The following GPR158 variants were observed in gnomAD, a reference collection of about 807,000 sequenced individuals.
GPR158 encodes G protein-coupled receptor 158, also known as metabotropic glycine receptor.
Under a neutral mutation model 78.2 loss-of-function variants are expected in GPR158, and 30 were observed. The observed-to-expected ratio is 0.38, with a 90% CI of 0.29 to 0.52. The LOEUF is 0.52. Ranked by LOEUF, GPR158 falls within the 20% of genes least tolerant of loss-of-function variation. The pLI is 0.83. For synonymous variants in GPR158, 581 were observed against 591.1 expected (o/e 0.98, Z 0.25); for missense variants, 1,463 against 1,523.5 (o/e 0.96, Z 0.66).
chr10:25,216,177 T>C (rs995288929), intron 1 of GPR158, among the ~76,000 whole-genome samples: 1 of 152,222 alleles, frequency 6.6e-6, no homozygotes, highest in African/African-American at 2.4e-5. Flanking sequence ...AGGCACTGGA[T>C]TCTGTTCTGG....
At chr10:25,386,813 G>A (rs1293783683) in intron 2 of GPR158, among the ~76,000 whole-genome samples, 1 of 151,884 alleles carries the variant, frequency 6.6e-6, no homozygotes, top group African/African-American at 2.4e-5. Flanking sequence ...GTTGATTTTT[G>A]TATCCTACAT....
chr10:25,502,912 C>A (rs955817704), intron 5 of GPR158, among the ~76,000 whole-genome samples: 3 of 152,110 alleles, frequency 2.0e-5, no homozygotes, highest in Non-Finnish European at 4.4e-5. Flanking sequence ...TCAGCAATTC[C>A]ATAGAAAGTT....
chr10:25,505,087 T>A (rs1835993449), intron 5 of GPR158, among the ~76,000 whole-genome samples: 1 of 152,228 alleles, frequency 6.6e-6, no homozygotes, highest in Admixed American at 6.5e-5. Flanking sequence ...TTAAATTAGA[T>A]GATACGTGTA....
intron 2 of GPR158, among the ~76,000 whole-genome samples, chr10:25,254,262 C>T (rs1449153972): frequency 6.6e-6 from 1 of 152,042 alleles, no homozygotes; most frequent in South Asian, 2.1e-4. Context: ...CATGGAGATA[C>T]CTTGATAAAA....
intron 4 of GPR158, among the ~76,000 whole-genome samples, chr10:25,421,520 T>C (rs1359413299): frequency 5.3e-5 from 8 of 152,192 alleles, no homozygotes; most frequent in Non-Finnish European, 4.4e-5. Context: ...AAATTTTTTT[T>C]CTTAAACCTA....
rs1391827336 is a variant in GPR158, at chr10:25,598,319, T to C, written c.2693T>C (p.Met898Thr). Residue 898 changes from methionine (M) to threonine (T), a missense_variant, in exon 11 of 11, where the codon ATG (methionine) becomes ACG (threonine). Met to Thr is a moderately conservative substitution (Grantham distance 81). Transcript: ENST00000376351. Reference sequence around the variant, plus strand: ...AAAACTGGGCACCCACGAACATCGATGTTACAGAAGTCTCTCAGTGTCATA... The same window carrying C: ...AAAACTGGGCACCCACGAACATCGACGTTACAGAAGTCTCTCAGTGTCATA... ...EKKTGHPRTS[M>T]LQKSLSVIAS... The C allele has an allele frequency of 6.2e-7, 1 of 1,614,040 alleles. No homozygotes were observed.
At chr10:25,470,901 G>T (rs896759153) in intron 5 of GPR158, among the ~76,000 whole-genome samples, 2 of 151,924 alleles carry the variant, frequency 1.3e-5, no homozygotes, top group African/African-American at 4.8e-5. Context: ...TTTCCACCCA[G>T]TAGCCAGAGG....
In GPR158 at chr10:25,598,676, G is replaced by A; in HGVS notation, c.3050G>A (p.Gly1017Asp). The A allele has an allele frequency of 6.2e-7, 1 of 1,613,854 alleles. No individual in the cohort carries two copies. Residue 1017 changes from glycine to aspartate, a missense_variant, in exon 11 of 11, where the codon GGT (glycine) becomes GAT (aspartate). Gly to Asp is a moderately conservative substitution (Grantham distance 94). Transcript: ENST00000376351. ...CPWEVYDLTPGPVPSESKVQK... is the reference protein window; with the variant it reads ...CPWEVYDLTPDPVPSESKVQK... The stretch of plus-strand genomic sequence containing the variant: ...TGGGAGGTTTATGACCTGACCCCTG[G>A]TCCTGTGCCTTCAGAATCAAAAGTT...
chr10:25,432,473 T>C (rs1383618331), intron 4 of GPR158, among the ~76,000 whole-genome samples: 1 of 152,092 alleles, frequency 6.6e-6, no homozygotes, highest in Non-Finnish European at 1.5e-5. Flanking sequence ...TACAAATACC[T>C]GCATATATGT....
chr10:25,362,615 A>G (rs1855657121), intron 2 of GPR158, among the ~76,000 whole-genome samples: 1 of 151,812 alleles, frequency 6.6e-6, no homozygotes, highest in Non-Finnish European at 1.5e-5. Context: ...ATCTTCTTTA[A>G]TTTCTTTCAG....
rs895792100 is a variant in GPR158 at position 25,183,144 on chromosome 10, G to A, written c.902+6822G>A. Among the ~76,000 whole-genome samples the A allele has an allele frequency of 2.2e-4, 34 of 151,978 alleles. 1 individual carries two copies. Among genetic ancestry groups the A allele is most frequent in the Admixed American group, 2.0e-4 (3 of 15,266 alleles). ...TACACATAGCGTAATTTCCACTTTG[G>A]CTGTGCAATTACTCTCCTGAGTCTT... On this transcript the variant is annotated intron_variant, in intron 1 of 10. Transcript: ENST00000376351.
intron 2 of GPR158, among the ~76,000 whole-genome samples, chr10:25,234,353 C>G (rs1281314916): frequency 6.6e-6 from 1 of 152,190 alleles, no homozygotes; most frequent in Non-Finnish European, 1.5e-5. Context: ...ACAGTAATCA[C>G]ATTAATTAAA....
chr10:25,346,849 T>C (rs1016357822), intron 2 of GPR158, among the ~76,000 whole-genome samples: 3 of 151,896 alleles, frequency 2.0e-5, no homozygotes, highest in African/African-American at 7.2e-5. Context: ...GACACAGACA[T>C]GAAAAGCCCT....
intron 3 of GPR158, among the ~76,000 whole-genome samples, chr10:25,403,945 T>C (rs1754271): frequency 0.54 from 82,553 of 151,788 alleles, 25,852 homozygotes; most frequent in Non-Finnish European, 0.73. Context: ...TATAAAGAGA[T>C]ACATCTATAA....
At chr10:25,562,823 C>G (rs1385081771) in intron 6 of GPR158, among the ~76,000 whole-genome samples, 1 of 152,152 alleles carries the variant, frequency 6.6e-6, no homozygotes, top group Non-Finnish European at 1.5e-5. Flanking sequence ...CCTTTGTCTC[C>G]TTATTGTTTG....
intron 5 of GPR158, among the ~76,000 whole-genome samples, chr10:25,543,123 T>C (rs1306092525): frequency 6.6e-6 from 1 of 152,094 alleles, no homozygotes; most frequent in Non-Finnish European, 1.5e-5. Flanking sequence ...ATTTTTTATT[T>C]TTATTTTTAT....
intron 7 of GPR158, among the ~76,000 whole-genome samples, chr10:25,574,876 C>T (rs1354976318): frequency 3.3e-5 from 5 of 151,888 alleles, no homozygotes; most frequent in Non-Finnish European, 7.4e-5. Flanking sequence ...CAGAGTGAGA[C>T]TTTGTCTCAA....
intron 2 of GPR158, among the ~76,000 whole-genome samples, chr10:25,353,645 C>T (rs934502242): frequency 7.9e-5 from 12 of 152,082 alleles, no homozygotes; most frequent in South Asian, 4.2e-4. Context: ...CTCTGCAGAG[C>T]GGCTAAAAAA....
intron 2 of GPR158, among the ~76,000 whole-genome samples, chr10:25,280,314 C>G (rs1255540529): frequency 1.3e-5 from 2 of 152,094 alleles, no homozygotes; most frequent in Non-Finnish European, 2.9e-5. Flanking sequence ...TAAAAGAAAG[C>G]TGAGATACCT....
Sources: gnomAD v4.1 joint callset for allele counts (sites outside exome capture counted in the v4.1 genomes callset) on GRCh38, gnomAD v4.1.1 for gene constraint, MANE v1.5 for transcripts, NCBI Gene and HGNC (gene_info 2026-07-23, HGNC 2026-07-21) for gene names.